The following LHFPL6 variants were observed in gnomAD, a reference collection of about 807,000 sequenced individuals.
LHFPL6 encodes the protein LHFPL tetraspan subfamily member 6.
Under a neutral mutation model 20.6 loss-of-function variants are expected in LHFPL6, and 9 were observed. That is an observed-to-expected ratio of 0.44 (90% CI 0.26 to 0.76). The LOEUF (loss-of-function observed/expected upper bound fraction) is 0.76. LHFPL6 is among the 30% of genes least tolerant of loss of function. The pLI is 0.20. For synonymous variants in LHFPL6, 105 were observed against 98.7 expected, an observed-to-expected ratio of 1.06 and a Z score of -0.38; for missense variants, 218 against 253.5, an observed-to-expected ratio of 0.86 and a Z score of 0.95.
chr13:39,400,459 C>T (rs1870955830), intron 2 of LHFPL6, among the ~76,000 whole-genome samples: 1 of 152,154 alleles, frequency 6.6e-6, no homozygotes, highest in Non-Finnish European at 1.5e-5. Context: ...CTGTGTTAGA[C>T]AGAATGGTTT....
intron 2 of LHFPL6, among the ~76,000 whole-genome samples, chr13:39,559,916 A>G (rs1871419078): frequency 6.6e-6 from 1 of 152,192 alleles, no homozygotes; most frequent in Non-Finnish European, 1.5e-5. Context: ...TTATTTTTAA[A>G]CATTTAAGAA....
intron 3 of LHFPL6, among the ~76,000 whole-genome samples, chr13:39,353,676 C>T (rs1476066952): frequency 1.3e-5 from 2 of 151,932 alleles, no homozygotes; most frequent in African/African-American, 4.8e-5. Context: ...TGCAGTGAGC[C>T]GAGATTGTGC....
rs1432796680 is a variant in LHFPL6 at position 39,352,856 on chromosome 13, T to C, written c.485-8802A>G. ...ATATGTGTATATATATATAAATGTA[T>C]ATATATGTGTATATATATATATAAA... On this transcript the variant is annotated intron_variant, in intron 3 of 3. Transcript: ENST00000379589. 2.2e-3 allele frequency among the ~76,000 whole-genome samples: 123 copies of C among 56,616 alleles called. 1 individual carries two copies. The highest frequency in any genetic ancestry group is 5.8e-3 in the African/African-American group (73 of 12,578). The allele number at this position is 56,616 out of a possible 152,430, so 37.1% of individuals were successfully genotyped here. A position where few individuals can be genotyped will look rare whatever the true frequency, so the allele number is the denominator to read the frequency against.
chr13:39,586,661 T>G (rs1872457528), intron 2 of LHFPL6, among the ~76,000 whole-genome samples: 1 of 152,190 alleles, frequency 6.6e-6, no homozygotes, highest in Non-Finnish European at 1.5e-5. Flanking sequence ...TTCAGAAAAT[T>G]CTTCAAAATC....
At chr13:39,434,467 A>T (rs956070932) in intron 2 of LHFPL6, among the ~76,000 whole-genome samples, 4 of 152,208 alleles carry the variant, frequency 2.6e-5, no homozygotes, top group African/African-American at 9.7e-5. Context: ...TTTGCATATT[A>T]TATATGTTAT....
intron 2 of LHFPL6, among the ~76,000 whole-genome samples, chr13:39,475,074 C>A (rs1182795227): frequency 6.6e-6 from 1 of 152,194 alleles, no homozygotes; most frequent in African/African-American, 2.4e-5. Flanking sequence ...TCCATCTGAT[C>A]TTGATTCAAG....
intron 2 of LHFPL6, among the ~76,000 whole-genome samples, chr13:39,464,680 AT>A (rs1373836803): frequency 6.9e-6 from 1 of 145,586 alleles, no homozygotes; most frequent in African/African-American, 2.6e-5. Context: ...AAATTTAACT[AT>A]TGGGGGAAAA....
At chr13:39,440,774 C>A (rs1402774745) in intron 2 of LHFPL6, among the ~76,000 whole-genome samples, 5 of 152,022 alleles carry the variant, frequency 3.3e-5, no homozygotes, top group African/African-American at 1.2e-4. Context: ...ATTGTAACTC[C>A]CACAATTCCC....
chr13:39,556,099 A>C (rs939819160), intron 2 of LHFPL6, among the ~76,000 whole-genome samples: 1 of 152,216 alleles, frequency 6.6e-6, no homozygotes, highest in Non-Finnish European at 1.5e-5. Context: ...GAAGCTGAGC[A>C]GATGTCAGCG....
intron 2 of LHFPL6, among the ~76,000 whole-genome samples, chr13:39,570,073 T>C (rs890042825): frequency 1.3e-5 from 2 of 152,208 alleles, no homozygotes; most frequent in Admixed American, 6.5e-5. Context: ...AAAAGTCATA[T>C]GGGCAGGTTC....
Position 39,428,396 on chromosome 13 carries a change from T to C in LHFPL6, c.386-49870A>G, listed in dbSNP as rs562159309. On this transcript the variant is annotated intron_variant, in intron 2 of 3. Transcript: ENST00000379589. Reference sequence around the variant, plus strand: ...TACAAATTGATTTTTAAAATAGATATAGAATTACTGATATTTTCTGTTTCC... The same window carrying C: ...TACAAATTGATTTTTAAAATAGATACAGAATTACTGATATTTTCTGTTTCC... 1.2e-4 allele frequency among the ~76,000 whole-genome samples: 19 copies of C among 152,340 alleles called. No homozygotes were observed. The South Asian group carries it at 2.3e-3, about 18-fold the overall frequency.
chr13:39,415,178 A>G (rs1418798059), intron 2 of LHFPL6, among the ~76,000 whole-genome samples: 1 of 152,214 alleles, frequency 6.6e-6, no homozygotes, highest in Non-Finnish European at 1.5e-5. Context: ...CTGGAAAAAT[A>G]CCATGACTGA....
At chr13:39,483,598 C>G (rs1043278495) in intron 2 of LHFPL6, among the ~76,000 whole-genome samples, 7 of 151,356 alleles carry the variant, frequency 4.6e-5, no homozygotes, top group Non-Finnish European at 8.8e-5. Flanking sequence ...GCTATAGATT[C>G]CTTTTCCTTT....
chr13:39,392,946 G>A (rs962020569), intron 2 of LHFPL6, among the ~76,000 whole-genome samples: 4 of 152,084 alleles, frequency 2.6e-5, no homozygotes, highest in African/African-American at 4.8e-5. Flanking sequence ...CACTGAACAC[G>A]CAAACTTCTT....
At chr13:39,359,487 A>C (rs552851758) in intron 3 of LHFPL6, among the ~76,000 whole-genome samples, 1 of 152,216 alleles carries the variant, frequency 6.6e-6, no homozygotes, top group South Asian at 2.1e-4. Context: ...GCCATAAAAA[A>C]AATCAACATA....
intron 2 of LHFPL6, among the ~76,000 whole-genome samples, chr13:39,587,700 C>T (rs1872492636): frequency 6.6e-6 from 1 of 151,812 alleles, no homozygotes; most frequent in East Asian, 1.9e-4. Context: ...TGACGAAGAG[C>T]TAAAAGGCCA....
intron 2 of LHFPL6, among the ~76,000 whole-genome samples, chr13:39,476,364 T>C (rs754365770): frequency 6.6e-6 from 1 of 152,170 alleles, no homozygotes; most frequent in Non-Finnish European, 1.5e-5. Context: ...CACATGTTAA[T>C]TAAATTTAAA....
At chr13:39,546,818 T>C (rs1870995750) in intron 2 of LHFPL6, among the ~76,000 whole-genome samples, 2 of 152,102 alleles carry the variant, frequency 1.3e-5, no homozygotes, top group Non-Finnish European at 2.9e-5. Context: ...AAAGGACTCC[T>C]ACCAAATTTC....
intron 2 of LHFPL6, among the ~76,000 whole-genome samples, chr13:39,531,502 A>G (rs1242394890): frequency 6.6e-6 from 1 of 152,192 alleles, no homozygotes; most frequent in Admixed American, 6.5e-5. Context: ...CAGACAATGC[A>G]AGCCAAACTA....
Sources: allele counts gnomAD v4.1 joint callset (sites outside exome capture counted in the v4.1 genomes callset), GRCh38; gene constraint gnomAD v4.1.1; transcripts MANE v1.5; gene names NCBI Gene and HGNC (gene_info 2026-07-23, HGNC 2026-07-21).